TRAPPC9: variants seen among roughly 807,000 people sequenced by gnomAD.
TRAPPC9 encodes IKK2 binding protein.
TRAPPC9 carries 83 observed loss-of-function variants against 124.0 expected under a neutral mutation model. That is an observed-to-expected ratio of 0.67 (90% CI 0.56 to 0.80). TRAPPC9 has a LOEUF of 0.80. Among genes scored for constraint, TRAPPC9 ranks in the 30% least tolerant of loss-of-function variants. The probability of loss-of-function intolerance (pLI) is 0.00; values close to 1 mark genes in which losing one functional copy is unlikely to be tolerated. For missense variants in TRAPPC9, 1,302 were observed against 1,508.3 expected (o/e 0.86, Z 2.27); for synonymous variants, 638 against 617.5 (o/e 1.03, Z -0.49).
intron 17 of TRAPPC9, among the ~76,000 whole-genome samples, chr8:140,102,371 TCA>T (rs2130388715): frequency 6.6e-6 from 1 of 152,322 alleles, no homozygotes; most frequent in Non-Finnish European, 1.5e-5. Context: ...AGCCTGGGTC[TCA>T]GAGAAATTGA....
At chr8:140,115,921 A>G (rs1563772917) in intron 17 of TRAPPC9, among the ~76,000 whole-genome samples, 1 of 152,214 alleles carries the variant, frequency 6.6e-6, no homozygotes, top group Admixed American at 6.5e-5. Flanking sequence ...CTATAAGACC[A>G]CCTGGCGCAC....
At chr8:139,901,485 C>A (rs1459678099) in intron 20 of TRAPPC9, among the ~76,000 whole-genome samples, 1 of 152,182 alleles carries the variant, frequency 6.6e-6, no homozygotes, top group Non-Finnish European at 1.5e-5. Context: ...AGAGACCCAA[C>A]TGGACAGAAG....
chr8:140,201,242 C>A (rs909365552), intron 17 of TRAPPC9, among the ~76,000 whole-genome samples: 1 of 152,176 alleles, frequency 6.6e-6, no homozygotes, highest in African/African-American at 2.4e-5. Context: ...GCGGGTCCAG[C>A]CAGTTTGCTT....
Position 139,996,836 on chromosome 8 carries a change from T to C in TRAPPC9, c.2700-8000A>G, listed in dbSNP as rs186290973. Reference sequence around the variant, plus strand: ...CTCATTGCAACCTCTGCCTCCCAGGTTCAAGCGATTCTCCTGCCTCAGCCT... The same window carrying C: ...CTCATTGCAACCTCTGCCTCCCAGGCTCAAGCGATTCTCCTGCCTCAGCCT... On this transcript the variant is annotated intron_variant, in intron 18 of 22. Transcript: ENST00000438773. 8.0e-3 allele frequency among the ~76,000 whole-genome samples: 1,219 copies of C among 152,120 alleles called. 11 individuals are homozygous for C. Among genetic ancestry groups the C allele is most frequent in the African/African-American group, 0.028 (1,156 of 41,512 alleles).
intron 19 of TRAPPC9, among the ~76,000 whole-genome samples, chr8:139,987,872 C>T (rs922626058): frequency 4.6e-5 from 7 of 152,136 alleles, no homozygotes; most frequent in Admixed American, 1.3e-4. Context: ...TCCTGACCAG[C>T]TCTCACTTCC....
At chr8:139,890,464 T>C (rs1172812029) in intron 20 of TRAPPC9, among the ~76,000 whole-genome samples, 1 of 152,196 alleles carries the variant, frequency 6.6e-6, no homozygotes, top group African/African-American at 2.4e-5. Flanking sequence ...AGCCCCAGAC[T>C]TGAGGTGAAA....
rs79464127 is a variant in TRAPPC9 at position 140,182,107 on chromosome 8, A to T, written c.2556+39352T>A. On this transcript the variant is annotated intron_variant, in intron 17 of 22. Transcript: ENST00000438773. This position sits in a 1 kb window ranked among gnomAD's most constrained non-coding sequence, Gnocchi z 4.0. ...GCATACAAGCCTAGTGCTGGTTGGC[A>T]AAGTTTATCACAAGGAGGCACTTTG... 6.6e-6 allele frequency among the ~76,000 whole-genome samples: 1 copy of T among 152,166 alleles called. No individual in the cohort carries two copies. Among genetic ancestry groups the T allele is most frequent in the East Asian group, 1.9e-4 (1 of 5,184 alleles).
chr8:140,441,885 G>T (rs10046701), intron 2 of TRAPPC9, among the ~76,000 whole-genome samples: 69,127 of 151,624 alleles, frequency 0.46, 16,545 homozygotes, highest in Middle Eastern at 0.59. Context: ...ATTGTTTTAA[G>T]TAGCTTGGCA....
chr8:139,847,692 G>A (rs949074225), intron 21 of TRAPPC9, among the ~76,000 whole-genome samples: 3 of 149,824 alleles, frequency 2.0e-5, no homozygotes, highest in Non-Finnish European at 4.4e-5. Flanking sequence ...CCTTCCCGAC[G>A]GCCCGGCCTG....
At chr8:140,349,662 A>G (rs1366687378) in intron 9 of TRAPPC9, among the ~76,000 whole-genome samples, 3 of 152,158 alleles carry the variant, frequency 2.0e-5, no homozygotes, top group East Asian at 1.9e-4. Context: ...GCAGGAGGGC[A>G]TGAGCGCTTG....
intron 19 of TRAPPC9, among the ~76,000 whole-genome samples, chr8:139,968,532 G>T (rs1464145843): frequency 6.6e-6 from 1 of 152,202 alleles, no homozygotes; most frequent in Non-Finnish European, 1.5e-5. Flanking sequence ...AGTGGGCAGG[G>T]ATACGTGCAT....
At chr8:140,398,963 G>A (rs915058212) in intron 6 of TRAPPC9, among the ~76,000 whole-genome samples, 8 of 152,236 alleles carry the variant, frequency 5.3e-5, no homozygotes, top group African/African-American at 7.2e-5. Flanking sequence ...ACAGCCTAGC[G>A]ACTTGGTGCC....
At chr8:140,126,942 G>A (rs540219610) in intron 17 of TRAPPC9, among the ~76,000 whole-genome samples, 1 of 152,190 alleles carries the variant, frequency 6.6e-6, no homozygotes, top group Non-Finnish European at 1.5e-5. Context: ...ATCCTCACCC[G>A]ATCCTTTCCC....
intron 21 of TRAPPC9, among the ~76,000 whole-genome samples, chr8:139,827,712 C>T (rs533783101): frequency 3.3e-5 from 5 of 152,296 alleles, no homozygotes; most frequent in South Asian, 2.1e-4. Flanking sequence ...GGGAGGAGCT[C>T]GGTGCCAGGC....
At chr8:139,958,047 C>A (rs900457186) in intron 19 of TRAPPC9, among the ~76,000 whole-genome samples, 1 of 152,202 alleles carries the variant, frequency 6.6e-6, no homozygotes, top group Non-Finnish European at 1.5e-5. Context: ...TGCAAACCAG[C>A]CAGACCCCTT....
At chr8:139,999,643 C>G (rs1228988998) in intron 18 of TRAPPC9, among the ~76,000 whole-genome samples, 5 of 151,922 alleles carry the variant, frequency 3.3e-5, no homozygotes, top group Admixed American at 1.3e-4. Context: ...CAGCAACATT[C>G]AACAAGGTAG....
intron 17 of TRAPPC9, among the ~76,000 whole-genome samples, chr8:140,052,421 G>T (rs1463393775): frequency 5.9e-5 from 9 of 152,180 alleles, no homozygotes; most frequent in Non-Finnish European, 1.3e-4. Flanking sequence ...AGGATCACAT[G>T]AGTCCAAGAA....
At chr8:139,932,764 C>CA (rs927630989) in intron 19 of TRAPPC9, 12,454 of 261,548 alleles carry the variant, frequency 0.048, 42 homozygotes, top group South Asian at 0.065. Context: ...ACTGTGTCTT[C>CA]AAAAAAAAAA....
At chr8:139,818,987 A>C (rs2130784143) in intron 21 of TRAPPC9, among the ~76,000 whole-genome samples, 1 of 152,318 alleles carries the variant, frequency 6.6e-6, no homozygotes. Context: ...CTGGCCACAG[A>C]CTGGTACCGG....
Sources: allele counts gnomAD v4.1 joint callset (sites outside exome capture counted in the v4.1 genomes callset), GRCh38; gene constraint gnomAD v4.1.1; non-coding constraint Gnocchi (gnomAD v3.1); transcripts MANE v1.5; gene names NCBI Gene and HGNC (gene_info 2026-07-23, HGNC 2026-07-21).